Variants in BMPER observed in about 807,000 individuals in gnomAD.
BMPER encodes BMP binding endothelial regulator.
In BMPER, 45 loss-of-function variants were observed where a neutral mutation model predicts 87.3. The observed-to-expected ratio is 0.52, with a 90% CI of 0.41 to 0.66. The LOEUF is 0.66. Among genes scored for constraint, BMPER ranks in the 30% least tolerant of loss-of-function variants. BMPER has a pLI of 0.00. For missense variants in BMPER, 784 were observed against 867.5 expected, an observed-to-expected ratio of 0.90 and a Z score of 1.21; for synonymous variants, 326 against 316.2, an observed-to-expected ratio of 1.03 and a Z score of -0.33.
intron 13 of BMPER, among the ~76,000 whole-genome samples, chr7:34,093,899 A>G (rs764732805): frequency 6.6e-6 from 1 of 152,112 alleles, no homozygotes; most frequent in Non-Finnish European, 1.5e-5. Flanking sequence ...TTCATTATTT[A>G]TGGGTGTAAA....
At chr7:33,997,923 C>T (rs1443712355) in intron 6 of BMPER, among the ~76,000 whole-genome samples, 2 of 152,194 alleles carry the variant, frequency 1.3e-5, no homozygotes, top group African/African-American at 2.4e-5. Flanking sequence ...CCCCTGCCAC[C>T]AGATACTCCC....
At chr7:34,024,431 A>G (rs865931303) in intron 6 of BMPER, among the ~76,000 whole-genome samples, 1,319 of 70,140 alleles carry the variant, frequency 0.019, 55 homozygotes, top group Non-Finnish European at 0.026. Flanking sequence ...ATATATATAT[A>G]TATGTTGGGG....
At chr7:34,117,087 A>T (rs1376063387) in intron 13 of BMPER, among the ~76,000 whole-genome samples, 1 of 152,170 alleles carries the variant, frequency 6.6e-6, no homozygotes, top group Non-Finnish European at 1.5e-5. Context: ...AATAACAATT[A>T]TTTAAGGCTA....
intron 6 of BMPER, among the ~76,000 whole-genome samples, chr7:34,031,997 G>A (rs201684134): frequency 0.015 from 1,286 of 84,726 alleles, 25 homozygotes; most frequent in African/African-American, 0.064. Flanking sequence ...AAATATATAT[G>A]TGTGTGTGTG....
In BMPER at chr7:34,098,631, C is replaced by T. The variant is rs1417568450; in HGVS notation, c.1745+12539C>T. 2.0e-5 allele frequency among the ~76,000 whole-genome samples: 3 copies of T among 152,002 alleles called. No homozygotes were observed. In the East Asian group the frequency reaches 5.8e-4, roughly 29 times the overall value. ...CTTCATTGTATCCCCAGCAAATGGCCCATCTGCGAGCATGAAGGTAGATGC... is the reference window on the plus strand; with the variant it reads ...CTTCATTGTATCCCCAGCAAATGGCTCATCTGCGAGCATGAAGGTAGATGC... On this transcript the variant is annotated intron_variant, in intron 13 of 14. Coordinates refer to ENST00000649409, the MANE Select transcript of BMPER (RefSeq NM_001365308.1).
At chr7:34,027,657 G>A (rs113956049) in intron 6 of BMPER, among the ~76,000 whole-genome samples, 6 of 152,030 alleles carry the variant, frequency 3.9e-5, no homozygotes, top group Non-Finnish European at 8.8e-5. Flanking sequence ...TGGTTATTAA[G>A]AATTGAGTAC....
intron 12 of BMPER, among the ~76,000 whole-genome samples, chr7:34,079,816 C>T (rs1788966474): frequency 6.6e-6 from 1 of 152,180 alleles, no homozygotes; most frequent in Non-Finnish European, 1.5e-5. Flanking sequence ...GCGCATGGTG[C>T]TGTAGGCTCA....
intron 6 of BMPER, among the ~76,000 whole-genome samples, chr7:33,985,372 T>C (rs1342042053): frequency 1.3e-5 from 2 of 152,214 alleles, no homozygotes; most frequent in Non-Finnish European, 2.9e-5. Flanking sequence ...AAAAGCTACA[T>C]AATATTTCCA....
chr7:33,924,385 A>G (rs1307034848), intron 2 of BMPER, among the ~76,000 whole-genome samples: 1 of 152,210 alleles, frequency 6.6e-6, no homozygotes, highest in African/African-American at 2.4e-5. Flanking sequence ...CTCACCCGGA[A>G]TCCAGCTTGA....
intron 6 of BMPER, among the ~76,000 whole-genome samples, chr7:33,988,133 A>C (rs750002374): frequency 4.6e-5 from 7 of 152,192 alleles, no homozygotes; most frequent in Non-Finnish European, 1.0e-4. Flanking sequence ...CTGTCATTTT[A>C]TTAAACAAGT....
At chr7:34,051,049 G>A (rs1385152074) in intron 7 of BMPER, among the ~76,000 whole-genome samples, 3 of 152,110 alleles carry the variant, frequency 2.0e-5, no homozygotes, top group Non-Finnish European at 4.4e-5. Context: ...TTGGAGGCTG[G>A]GAAGTCCAAG....
chr7:34,130,148 C>T (rs890546805), intron 13 of BMPER, among the ~76,000 whole-genome samples: 28 of 151,876 alleles, frequency 1.8e-4, no homozygotes, highest in Admixed American at 6.6e-4. Flanking sequence ...CTTCCTTCCC[C>T]GCTTTGATGC....
At chr7:34,047,885 G>A (rs941298699) in intron 7 of BMPER, among the ~76,000 whole-genome samples, 2 of 142,190 alleles carry the variant, frequency 1.4e-5, no homozygotes, top group Non-Finnish European at 3.0e-5. Flanking sequence ...CTCCCCTTAA[G>A]TCTGTTTACA....
intron 13 of BMPER, among the ~76,000 whole-genome samples, chr7:34,133,916 C>G (rs2127992259): frequency 6.6e-6 from 1 of 152,184 alleles, no homozygotes; most frequent in African/African-American, 2.4e-5. Flanking sequence ...TTCTCTTCTG[C>G]TTAGGTGAAG....
At chr7:33,946,063 T>A (rs1365752782) in intron 3 of BMPER, among the ~76,000 whole-genome samples, 1 of 151,974 alleles carries the variant, frequency 6.6e-6, no homozygotes, top group African/African-American at 2.4e-5. Flanking sequence ...AGAAAAGAGG[T>A]TTAGTTGATT....
intron 11 of BMPER, among the ~76,000 whole-genome samples, chr7:34,069,967 C>T (rs767639495): frequency 1.3e-5 from 2 of 152,122 alleles, no homozygotes; most frequent in African/African-American, 4.8e-5. Flanking sequence ...CATTGCTACA[C>T]CCCTCTTCTC....
chr7:33,960,866 A>G (rs1785253200), intron 3 of BMPER, among the ~76,000 whole-genome samples: 1 of 152,216 alleles, frequency 6.6e-6, no homozygotes, highest in African/African-American at 2.4e-5. Context: ...TTAAGCATTT[A>G]TCAAGTGCTT....
chr7:33,990,112 G>T (rs867213914), intron 6 of BMPER, among the ~76,000 whole-genome samples: 141 of 149,702 alleles, frequency 9.4e-4, no homozygotes, highest in Middle Eastern at 3.4e-3. Flanking sequence ...CTTTTTTGGT[G>T]CCATATGAAC....
intron 13 of BMPER, among the ~76,000 whole-genome samples, chr7:34,096,167 A>G (rs1462294206): frequency 1.3e-5 from 2 of 152,166 alleles, no homozygotes; most frequent in Non-Finnish European, 2.9e-5. Flanking sequence ...AAGCAAGAGG[A>G]CCTGGGGTGG....
Sources: allele counts gnomAD v4.1 joint callset (sites outside exome capture counted in the v4.1 genomes callset), GRCh38; gene constraint gnomAD v4.1.1; transcripts MANE v1.5; gene names NCBI Gene and HGNC (gene_info 2026-07-23, HGNC 2026-07-21).